YES1: variants seen among roughly 807,000 people sequenced by gnomAD.
The protein encoded by YES1 is YES proto-oncogene 1, Src family tyrosine kinase, also known as tyrosine-protein kinase Yes.
Under a neutral mutation model 70.4 loss-of-function variants are expected in YES1, and 39 were observed. That is an observed-to-expected ratio of 0.55 (90% CI 0.43 to 0.72). The LOEUF is 0.72. Among genes scored for constraint, YES1 ranks in the 30% least tolerant of loss-of-function variants. The probability of loss-of-function intolerance (pLI) is 0.00; values close to 1 mark genes in which losing one functional copy is unlikely to be tolerated. For missense variants in YES1, 495 were observed against 644.8 expected (o/e 0.77, Z 2.52); for synonymous variants, 198 against 218.6 (o/e 0.91, Z 0.83).
intron 1 of YES1, chr18:774,999 T>A (rs1253958822): frequency 6.6e-6 from 1 of 152,186 alleles, no homozygotes; most frequent in East Asian, 1.9e-4. Context: ...GCAGAACAGT[T>A]AAGAGCATAG....
chr18:788,324 C>T (rs1055536100), intron 1 of YES1, among the ~76,000 whole-genome samples: 1 of 152,108 alleles, frequency 6.6e-6, no homozygotes, highest in African/African-American at 2.4e-5. Context: ...TTATATTCAG[C>T]TTTTCATTCC....
At position 741,124 on chromosome 18, in the gene YES1, CT is replaced by C. The variant is rs1180222082; in HGVS notation, c.1061-1314del. The stretch of plus-strand genomic sequence containing the variant: ...TGTTGGCCAGGCTGGGATCGAACTC[CT>C]GACCTCAAGTGATCTGCCTGCCTCG... On this transcript the variant is annotated intron_variant, in intron 8 of 11. Transcript: ENST00000314574. Among the ~76,000 whole-genome samples the C allele has an allele frequency of 2.0e-5, 3 of 152,312 alleles. No homozygotes were observed. The South Asian group carries it at 6.2e-4, about 32-fold the overall frequency.
chr18:803,661 TCTC>T, intron 1 of YES1, among the ~76,000 whole-genome samples: 1 of 152,058 alleles, frequency 6.6e-6, no homozygotes, highest in Admixed American at 6.5e-5. Context: ...AGAATCTGAG[TCTC>T]CTAACAGGGA....
intron 1 of YES1, among the ~76,000 whole-genome samples, chr18:789,628 C>G (rs1906138981): frequency 6.6e-6 from 1 of 152,110 alleles, no homozygotes; most frequent in African/African-American, 2.4e-5. Flanking sequence ...CAACAACGTT[C>G]TACATCAATG....
At chr18:809,427 G>A (rs1907260916) in intron 1 of YES1, among the ~76,000 whole-genome samples, 1 of 152,044 alleles carries the variant, frequency 6.6e-6, no homozygotes, top group Non-Finnish European at 1.5e-5. Flanking sequence ...AGCCTCCCAG[G>A]TAGCTGGGAT....
At chr18:774,399 G>A (rs886399422) in intron 1 of YES1, among the ~76,000 whole-genome samples, 4 of 152,046 alleles carry the variant, frequency 2.6e-5, no homozygotes, top group African/African-American at 7.2e-5. Flanking sequence ...AACTGTCTAC[G>A]CAATACCTTC....
chr18:790,094 G>A (rs559009340), intron 1 of YES1, among the ~76,000 whole-genome samples: 37 of 152,146 alleles, frequency 2.4e-4, no homozygotes, highest in South Asian at 1.9e-3. Context: ...AAAGATTCCC[G>A]GCTGAGTGCA....
At chr18:744,872 G>C (rs567124556) in intron 6 of YES1, among the ~76,000 whole-genome samples, 1 of 151,744 alleles carries the variant, frequency 6.6e-6, no homozygotes, top group Non-Finnish European at 1.5e-5. Context: ...GGGAACCCTA[G>C]ATTCATAACA....
intron 1 of YES1, among the ~76,000 whole-genome samples, chr18:760,072 G>A (rs1904507583): frequency 1.3e-5 from 2 of 152,084 alleles, no homozygotes; most frequent in African/African-American, 2.4e-5. Flanking sequence ...GTATTCCATG[G>A]TGTATATGTG....
intron 1 of YES1, among the ~76,000 whole-genome samples, chr18:771,815 T>TACC (rs1394651589): frequency 6.6e-6 from 1 of 151,862 alleles, no homozygotes; most frequent in Non-Finnish European, 1.5e-5. Flanking sequence ...AGGTGTGAGC[T>TACC]ACCACACCTG....
chr18:729,619 CTTTTTT>C (rs869223956), intron 11 of YES1, among the ~76,000 whole-genome samples: 2 of 75,382 alleles, frequency 2.7e-5, no homozygotes, highest in Non-Finnish European at 4.6e-5. Flanking sequence ...TGATTTTGAA[CTTTTTT>C]TTTTTTTTTT....
At chr18:765,247 A>ACT (rs1451909478) in intron 1 of YES1, among the ~76,000 whole-genome samples, 7 of 62,364 alleles carry the variant, frequency 1.1e-4, no homozygotes, top group Non-Finnish European at 1.9e-4. Flanking sequence ...AAGAGTTACA[A>ACT]CTATATATAT....
rs560193452 is a variant in YES1, at chr18:776,432, T to C, written c.-8-19597A>G. On this transcript the variant is annotated intron_variant, in intron 1 of 11. Transcript: ENST00000314574. ...TGTGATTTTAATTTTATGTTCATAA[T>C]TACTAATGAAGTGGCACCTTTACAT... Among the ~76,000 whole-genome samples, 5 of 152,296 alleles carry C rather than the reference T, an allele frequency of 3.3e-5. 1 individual carries two copies. In the South Asian group the frequency reaches 1.0e-3, roughly 32 times the overall value.
intron 1 of YES1, among the ~76,000 whole-genome samples, chr18:809,940 T>A (rs1907287735): frequency 6.6e-6 from 1 of 151,858 alleles, no homozygotes; most frequent in Admixed American, 6.6e-5. Flanking sequence ...CCTCTTCCCA[T>A]ATATTTCCCT....
chr18:750,939 G>A (rs144662277), intron 3 of YES1, among the ~76,000 whole-genome samples: 16 of 152,328 alleles, frequency 1.1e-4, no homozygotes, highest in Admixed American at 5.2e-4. Flanking sequence ...CTGGGTATTA[G>A]AGTTAGAAGA....
At chr18:802,833 A>G (rs766558139) in intron 1 of YES1, among the ~76,000 whole-genome samples, 1 of 151,818 alleles carries the variant, frequency 6.6e-6, no homozygotes, top group Non-Finnish European at 1.5e-5. Context: ...CTATAATCCT[A>G]GCACTTCGGG....
At position 724,415 on chromosome 18, in the gene YES1, C is replaced by G. The variant is rs373167378; in HGVS notation, c.*9G>C. The G allele has an allele frequency of 6.2e-7, 1 of 1,611,016 alleles. No homozygotes were observed. Among genetic ancestry groups the G allele is most frequent in the African/African-American group, 1.3e-5 (1 of 74,846 alleles). On this transcript the variant is annotated 3_prime_UTR_variant, in exon 12 of 12. Transcript: ENST00000314574. ...GGCAGATTTGTGCATATAAAATAGGCTACTTGAATTATAAATTTTCTCCTG... is the reference window on the plus strand; with the variant it reads ...GGCAGATTTGTGCATATAAAATAGGGTACTTGAATTATAAATTTTCTCCTG...
At chr18:801,383 G>T (rs950165454) in intron 1 of YES1, among the ~76,000 whole-genome samples, 3 of 152,036 alleles carry the variant, frequency 2.0e-5, no homozygotes, top group African/African-American at 7.3e-5. Context: ...TAAGAATGAG[G>T]AACAAGCCAG....
intron 1 of YES1, among the ~76,000 whole-genome samples, chr18:810,010 T>G (rs886887644): frequency 1.0e-5 from 1 of 97,666 alleles, no homozygotes; most frequent in Admixed American, 8.9e-5. Flanking sequence ...TCCTTGCAGG[T>G]TTTTTTTTTT....
Sources: gnomAD v4.1 joint callset for allele counts (sites outside exome capture counted in the v4.1 genomes callset) on GRCh38, gnomAD v4.1.1 for gene constraint, MANE v1.5 for transcripts, NCBI Gene and HGNC (gene_info 2026-07-23, HGNC 2026-07-21) for gene names.